Variants in FBXO22 observed in about 807,000 individuals in gnomAD.
The protein encoded by FBXO22 is F-box protein 22.
Under a neutral mutation model 37.2 loss-of-function variants are expected in FBXO22, and 13 were observed. That is an observed-to-expected ratio of 0.35 (90% CI 0.23 to 0.56). FBXO22 has a LOEUF of 0.56. Ranked by LOEUF, FBXO22 falls within the 20% of genes least tolerant of loss-of-function variation. The pLI, the probability that FBXO22 is intolerant of heterozygous loss-of-function variation, is 0.87. For missense variants in FBXO22, 446 were observed against 509.9 expected, an observed-to-expected ratio of 0.87 and a Z score of 1.21; for synonymous variants, 189 against 189.1, an observed-to-expected ratio of 1.00 and a Z score of 0.00.
intron 5 of FBXO22, among the ~76,000 whole-genome samples, chr15:75,926,941 T>C (rs551720383): frequency 6.6e-6 from 1 of 152,332 alleles, no homozygotes; most frequent in Admixed American, 6.5e-5. Flanking sequence ...ATGGACATTA[T>C]CAGTGTGGAA....
At position 75,938,822 on chromosome 15, in the gene FBXO22, CAA is replaced by C. The variant is rs1010444073; in HGVS notation, c.*5723_*5724del. 6.6e-6 allele frequency: 1 copy of C among 151,904 alleles called. No individual in the cohort carries two copies. The highest frequency in any genetic ancestry group is 2.4e-5 in the African/African-American group (1 of 41,366). 9.4% of individuals were successfully genotyped at this position (151,904 alleles called of 1,614,324 possible). A position where few individuals can be genotyped will look rare whatever the true frequency, so the allele number is the denominator to read the frequency against. On this transcript the variant is annotated 3_prime_UTR_variant, in exon 7 of 7. Transcript: ENST00000308275. The stretch of plus-strand genomic sequence containing the variant: ...ACAGGATGTAGTTAGAAATCAGTAA[CAA>C]AAGGAAAATTGGAAAATTCACAAAC...
rs1168040238 is a variant in FBXO22 at position 75,939,005 on chromosome 15, CAAA to C, written c.*5907_*5909del. On this transcript the variant is annotated 3_prime_UTR_variant, in exon 7 of 7. Transcript: ENST00000308275. ...AGACATAAATGCTTACATTAAAAAA[CAAA>C]AAAGACCTCATGTCAACAACCTGAC... is the stretch of plus-strand genomic sequence containing the variant. 1.3e-5 allele frequency: 2 copies of C among 151,882 alleles called. No homozygotes were observed. The highest frequency in any genetic ancestry group is 2.9e-5 in the Non-Finnish European group (2 of 67,904). The allele number at this position is 151,882 out of a possible 1,614,324, so 9.4% of individuals were successfully genotyped here.
At chr15:75,904,275 C>CG in intron 1 of FBXO22, 172 bp downstream of exon 1, 2 of 1,132,072 alleles carry the variant, frequency 1.8e-6, no homozygotes, top group Non-Finnish European at 2.4e-6. Context: ...CGTGGTGCCC[C>CG]GGGGGGACTT....
chr15:75,903,878 A>G lies in FBXO22; in HGVS notation c.-86A>G. 2 of 1,379,716 alleles carry G rather than the reference A, an allele frequency of 1.4e-6. No individual in the cohort carries two copies. The highest frequency in any genetic ancestry group is 1.6e-5 in the South Asian group (1 of 62,222). 85.5% of individuals were successfully genotyped at this position (1,379,716 alleles called of 1,614,324 possible). A position where few individuals can be genotyped will look rare whatever the true frequency, so the allele number is the denominator to read the frequency against. On this transcript the variant is annotated 5_prime_UTR_variant, in exon 1 of 7. Coordinates refer to ENST00000308275, the MANE Select transcript of FBXO22 (RefSeq NM_147188.3). ...CCGGAAGTGGCGCGGACGCCTGCTC[A>G]GTGCGCGCCGGCCGGGCAACCCTAT... is the stretch of plus-strand genomic sequence containing the variant.
rs1289592274 is a variant in FBXO22 at position 75,941,837 on chromosome 15, CTG to C, written c.*8736_*8737del. 2 of 148,936 alleles carry C rather than the reference CTG, an allele frequency of 1.3e-5. No individual in the cohort carries two copies. The highest frequency in any genetic ancestry group is 5.0e-5 in the African/African-American group (2 of 40,368). The allele number at this position is 148,936 out of a possible 1,614,324, so 9.2% of individuals were successfully genotyped here. On this transcript the variant is annotated 3_prime_UTR_variant, in exon 7 of 7. Transcript: ENST00000308275. ...AAGTTCCGGAGGTGCATAGTGGTGA[CTG>C]GTACATACAACGAATGTATTTAATG...
chr15:75,927,110 G>C (rs952928562), intron 5 of FBXO22, among the ~76,000 whole-genome samples: 3 of 152,180 alleles, frequency 2.0e-5, no homozygotes, highest in Non-Finnish European at 2.9e-5. Flanking sequence ...TTCCTGGTCG[G>C]GGGGAGGGGT....
Position 75,933,811 on chromosome 15 carries a change from C to G in FBXO22, c.*709C>G. 1 of 246,584 alleles carries G rather than the reference C, an allele frequency of 4.1e-6. No individual in the cohort carries two copies. Among genetic ancestry groups the G allele is most frequent in the Non-Finnish European group, 8.3e-6 (1 of 121,208 alleles). The allele number at this position is 246,584 out of a possible 1,614,324, so 15.3% of individuals were successfully genotyped here. On this transcript the variant is annotated 3_prime_UTR_variant, in exon 7 of 7. Coordinates refer to ENST00000308275, the MANE Select transcript of FBXO22 (RefSeq NM_147188.3). The stretch of plus-strand genomic sequence containing the variant: ...TTATTTTGGTTTTATACCAATAAAA[C>G]ATAGCGTGGAACTCATTCAGGTAAT...
chr15:75,913,346 C>T (rs746891587), intron 3 of FBXO22, 56 bp downstream of exon 3: 18 of 1,226,088 alleles, frequency 1.5e-5, no homozygotes, highest in Admixed American at 1.7e-5. Flanking sequence ...GCCTTCCGTT[C>T]GGAGTTCAAT....
chr15:75,912,918 CT>C (rs1555425947), intron 2 of FBXO22, among the ~76,000 whole-genome samples: 1 of 152,172 alleles, frequency 6.6e-6, no homozygotes, highest in Non-Finnish European at 1.5e-5. Flanking sequence ...ATAAATTTCC[CT>C]GTAAACACTG....
At position 75,933,286 on chromosome 15, in the gene FBXO22, A is replaced by G. The variant is rs1482005426; in HGVS notation, c.*184A>G. On this transcript the variant is annotated 3_prime_UTR_variant, in exon 7 of 7. Transcript: ENST00000308275. ...TATTAGATGAAGGACAACTTTGGAC[A>G]TAACACTGACTAGGAGTTGAGAGCT... 3.0e-5 allele frequency: 17 copies of G among 572,578 alleles called. No homozygotes were observed. Among genetic ancestry groups the G allele is most frequent in the Non-Finnish European group, 3.9e-5 (13 of 331,382 alleles). 35.5% of individuals were successfully genotyped at this position (572,578 alleles called of 1,614,324 possible).
At chr15:75,915,961 C>T (rs1446179591) in intron 4 of FBXO22, among the ~76,000 whole-genome samples, 1 of 146,754 alleles carries the variant, frequency 6.8e-6, no homozygotes, top group Non-Finnish European at 1.5e-5. Flanking sequence ...ATTCCAGCTA[C>T]TTGGGAGGCT....
intron 3 of FBXO22, 67 bp from the exon 4 acceptor site, chr15:75,914,043 A>T: frequency 8.5e-7 from 1 of 1,180,926 alleles, no homozygotes; most frequent in Non-Finnish European, 1.2e-6. Flanking sequence ...TTGCTTTTTT[A>T]CTTTTTCATT....
In FBXO22 at chr15:75,937,213, TA is replaced by T. The variant is rs562505830; in HGVS notation, c.*4123del. ...AGCTTTTGTTTGCCTATCAAAACAT[TA>T]AAAAAAAAAAAGAGGCCGGGCGTGG... On this transcript the variant is annotated 3_prime_UTR_variant, in exon 7 of 7. Transcript: ENST00000308275. 1.4e-3 allele frequency: 201 copies of T among 140,984 alleles called. No individual in the cohort carries two copies. The highest frequency in any genetic ancestry group is 1.3e-3 in the Non-Finnish European group (81 of 64,302). 8.7% of individuals were successfully genotyped at this position (140,984 alleles called of 1,614,324 possible).
chr15:75,910,517 A>G (rs1472156679), intron 2 of FBXO22: 1 of 152,252 alleles, frequency 6.6e-6, no homozygotes, highest in African/African-American at 2.4e-5. Flanking sequence ...TCTAATGACT[A>G]GTAATGATGA....
At chr15:75,927,795 G>A (rs1389927826) in intron 5 of FBXO22, among the ~76,000 whole-genome samples, 1 of 152,122 alleles carries the variant, frequency 6.6e-6, no homozygotes, top group East Asian at 1.9e-4. Context: ...TTAGTAATTG[G>A]TCATTCACGC....
At position 75,940,344 on chromosome 15, in the gene FBXO22, A is replaced by G. The variant is rs1045691203; in HGVS notation, c.*7242A>G. On this transcript the variant is annotated 3_prime_UTR_variant, in exon 7 of 7. Transcript: ENST00000308275. The stretch of plus-strand genomic sequence containing the variant: ...AAACATTGCTTCAATAAAGATAAAA[A>G]TAAACGGAAATACATCTCATGTTCA... The G allele has an allele frequency of 7.1e-6, 1 of 140,524 alleles. No individual in the cohort carries two copies. Among genetic ancestry groups the G allele is most frequent in the Admixed American group, 6.8e-5 (1 of 14,682 alleles). The allele number at this position is 140,524 out of a possible 1,614,324, so 8.7% of individuals were successfully genotyped here. A position where few individuals can be genotyped will look rare whatever the true frequency, so the allele number is the denominator to read the frequency against.
chr15:75,913,919 A>G (rs1224527623), intron 3 of FBXO22, among the ~76,000 whole-genome samples, 191 bp from the exon 4 acceptor site: 1 of 152,258 alleles, frequency 6.6e-6, no homozygotes, highest in Non-Finnish European at 1.5e-5. Flanking sequence ...GCAAAAGATC[A>G]GATTTATAAT....
At chr15:75,921,793 A>G (rs1900330665) in intron 5 of FBXO22, among the ~76,000 whole-genome samples, 1 of 152,120 alleles carries the variant, frequency 6.6e-6, no homozygotes, top group Admixed American at 6.5e-5. Flanking sequence ...CTTTTTGTTA[A>G]AAACTAAAAC....
At chr15:75,918,730 A>G (rs966892750) in intron 5 of FBXO22, among the ~76,000 whole-genome samples, 1 of 152,222 alleles carries the variant, frequency 6.6e-6, no homozygotes, top group African/African-American at 2.4e-5. Context: ...TGTTAAGTGA[A>G]ATAAGCCAGG....
Sources: allele counts gnomAD v4.1 joint callset (sites outside exome capture counted in the v4.1 genomes callset), GRCh38; gene constraint gnomAD v4.1.1; transcripts MANE v1.5; gene names NCBI Gene and HGNC (gene_info 2026-07-23, HGNC 2026-07-21).